TNIK: variants seen among roughly 807,000 people sequenced by gnomAD.
The protein encoded by TNIK is TRAF2 and NCK-interacting protein kinase.
Under a neutral mutation model 191.3 loss-of-function variants are expected in TNIK, and 49 were observed. The ratio of observed to expected loss-of-function variants is 0.26; its 90% CI spans 0.20 to 0.32. The LOEUF is 0.32. Ranked by LOEUF, TNIK falls within the 10% of genes least tolerant of loss-of-function variation. The pLI, the probability that TNIK is intolerant of heterozygous loss-of-function variation, is 1.00. For synonymous variants in TNIK, 594 were observed against 600.9 expected, an observed-to-expected ratio of 0.99 and a Z score of 0.17; for missense variants, 1,155 against 1,702.3, an observed-to-expected ratio of 0.68 and a Z score of 5.66.
At chr3:171,239,200 G>A (rs1744658941) in intron 2 of TNIK, among the ~76,000 whole-genome samples, 1 of 152,022 alleles carries the variant, frequency 6.6e-6, no homozygotes, top group African/African-American at 2.4e-5. Context: ...AAGTTATCAG[G>A]TACTCAATTC....
intron 30 of TNIK, 83 bp downstream of exon 30, chr3:171,068,754 GCATGACTTCTA>G: frequency 7.7e-7 from 1 of 1,304,810 alleles, no homozygotes; most frequent in Middle Eastern, 2.2e-4. Context: ...AGTAAAGTGT[GCATGACTTCTA>G]CTAAAACTAT....
intron 2 of TNIK, among the ~76,000 whole-genome samples, chr3:171,345,340 T>C (rs964958976): frequency 3.3e-5 from 5 of 152,210 alleles, no homozygotes; most frequent in African/African-American, 1.2e-4. Context: ...CTTTGTTATA[T>C]TACATCTTGC....
chr3:171,221,382 C>G (rs1489282878), intron 3 of TNIK, among the ~76,000 whole-genome samples: 1 of 152,158 alleles, frequency 6.6e-6, no homozygotes, highest in Non-Finnish European at 1.5e-5. Context: ...TGCACCTCCC[C>G]TACCCCTTCA....
intron 2 of TNIK, among the ~76,000 whole-genome samples, chr3:171,359,630 T>A (rs937865580): frequency 3.3e-5 from 5 of 152,216 alleles, no homozygotes; most frequent in Non-Finnish European, 1.5e-5. Flanking sequence ...ACAACGCTCC[T>A]ATGTAGTAGT....
chr3:171,346,921 C>A, intron 2 of TNIK: 1 of 447,504 alleles, frequency 2.2e-6, no homozygotes, highest in Non-Finnish European at 3.9e-6. Flanking sequence ...AGGTTTTAAA[C>A]AGGAGAGAGA....
rs941791469 is a variant in TNIK at position 171,167,013 on chromosome 3, A to G, written c.949+82T>C. 8 of 1,486,604 alleles carry G rather than the reference A, an allele frequency of 5.4e-6. No individual in the cohort carries two copies. In the African/African-American group the frequency reaches 8.4e-5, roughly 16 times the overall value. 92.1% of individuals were successfully genotyped at this position (1,486,604 alleles called of 1,614,324 possible). The stretch of plus-strand genomic sequence containing the variant: ...TAATGCAGGCCCATTTGAAATCCCC[A>G]TAGTCACCTCCAAATACATCAAGCG... On this transcript the variant is annotated intron_variant, in intron 10 of 32. Transcript: ENST00000436636.
At chr3:171,455,487 C>T (rs1728688024) in intron 1 of TNIK, among the ~76,000 whole-genome samples, 1 of 135,958 alleles carries the variant, frequency 7.4e-6, no homozygotes, top group Non-Finnish European at 1.6e-5. Flanking sequence ...GCAGTCCTCC[C>T]ACTTCGGCCT....
intron 1 of TNIK, among the ~76,000 whole-genome samples, chr3:171,425,825 CAAA>C (rs34978608): frequency 1.5e-3 from 190 of 123,808 alleles, no homozygotes; most frequent in South Asian, 6.7e-3. Flanking sequence ...GAGACTCTGT[CAAA>C]AAAAAAAAAA....
At chr3:171,391,045 T>C (rs1719440759) in intron 1 of TNIK, among the ~76,000 whole-genome samples, 1 of 152,222 alleles carries the variant, frequency 6.6e-6, no homozygotes, top group South Asian at 2.1e-4. Context: ...GAGCTGTGAC[T>C]TGCCTGAGTG....
At chr3:171,251,596 A>T (rs927045049) in intron 2 of TNIK, among the ~76,000 whole-genome samples, 13 of 152,202 alleles carry the variant, frequency 8.5e-5, no homozygotes, top group Admixed American at 4.6e-4. Flanking sequence ...GACTATGTGC[A>T]CTTAGTTGGG....
chr3:171,327,900 T>TTAAAAAAAAA (rs1755963954), intron 2 of TNIK, among the ~76,000 whole-genome samples: 3 of 79,622 alleles, frequency 3.8e-5, no homozygotes, highest in African/African-American at 1.2e-4. Flanking sequence ...ACCTGGCTCA[T>TTAAAAAAAAA]AAAAAAAAAA....
chr3:171,225,566 A>T (rs528319848), intron 3 of TNIK: 1 of 456,626 alleles, frequency 2.2e-6, no homozygotes, highest in East Asian at 6.9e-5. Context: ...CTGAGAAGGC[A>T]GTCTCTCAAA....
intron 4 of TNIK, among the ~76,000 whole-genome samples, chr3:171,202,003 C>T (rs564129600): frequency 1.3e-5 from 2 of 152,290 alleles, no homozygotes; most frequent in African/African-American, 4.8e-5. Context: ...TTTGAATATA[C>T]CGAGCCAACT....
chr3:171,090,386 G>A (rs976663450), intron 23 of TNIK, among the ~76,000 whole-genome samples: 4 of 150,446 alleles, frequency 2.7e-5, no homozygotes, highest in Non-Finnish European at 5.9e-5. Context: ...ACCCTCTCCC[G>A]ACTTAAAAAA....
intron 4 of TNIK, among the ~76,000 whole-genome samples, chr3:171,203,104 C>G (rs952734937): frequency 6.6e-6 from 1 of 151,894 alleles, no homozygotes; most frequent in South Asian, 2.1e-4. Flanking sequence ...ACAACCTCCA[C>G]GTCACACAAG....
intron 7 of TNIK, among the ~76,000 whole-genome samples, chr3:171,180,629 A>G (rs1406928627): frequency 6.6e-6 from 1 of 152,226 alleles, no homozygotes; most frequent in African/African-American, 2.4e-5. Context: ...TTCTAGGGCT[A>G]GTAGACTCTT....
intron 21 of TNIK, chr3:171,106,814 A>G: frequency 1.9e-6 from 1 of 521,914 alleles, no homozygotes; most frequent in Non-Finnish European, 4.0e-6. Context: ...TCCTAGAATG[A>G]TGTCTCTTTT....
chr3:171,097,343 T>C (rs1424635947), intron 22 of TNIK, among the ~76,000 whole-genome samples: 1 of 152,212 alleles, frequency 6.6e-6, no homozygotes, highest in Admixed American at 6.5e-5. Context: ...TTGAGAAAGT[T>C]GTTTCCCATG....
At chr3:171,179,609 G>C (rs1251986143) in intron 7 of TNIK, among the ~76,000 whole-genome samples, 1 of 152,138 alleles carries the variant, frequency 6.6e-6, no homozygotes, top group South Asian at 2.1e-4. Context: ...CTGCCACCAT[G>C]CCCGGCTAAT....
Sources: allele counts gnomAD v4.1 joint callset (sites outside exome capture counted in the v4.1 genomes callset), GRCh38; gene constraint gnomAD v4.1.1; transcripts MANE v1.5; gene names NCBI Gene and HGNC (gene_info 2026-07-23, HGNC 2026-07-21).